The following ARHGAP19 variants were observed in gnomAD, a reference collection of about 807,000 sequenced individuals.
ARHGAP19 encodes Rho GTPase activating protein 19.
A neutral mutation model predicts 60.9 loss-of-function variants in ARHGAP19; 48 were observed. The observed-to-expected ratio is 0.79, with a 90% CI of 0.62 to 1.00. The LOEUF (loss-of-function observed/expected upper bound fraction) is 1.00. ARHGAP19 is among the 50% of genes least tolerant of loss of function. ARHGAP19 has a pLI of 0.00. For synonymous variants in ARHGAP19, 209 were observed against 215.5 expected (o/e 0.97, Z 0.27); for missense variants, 562 against 597.2 (o/e 0.94, Z 0.61).
Position 97,225,860 on chromosome 10 carries a change from T to C in ARHGAP19, c.*262A>G, listed in dbSNP as rs1850885094. 2.0e-6 allele frequency: 1 copy of C among 506,058 alleles called. No individual in the cohort carries two copies. Among genetic ancestry groups the C allele is most frequent in the Middle Eastern group, 5.3e-4 (1 of 1,898 alleles). 31.3% of individuals were successfully genotyped at this position (506,058 alleles called of 1,614,324 possible). A position where few individuals can be genotyped will look rare whatever the true frequency, so the allele number is the denominator to read the frequency against. On this transcript the variant is annotated 3_prime_UTR_variant, in exon 12 of 12. Coordinates refer to ENST00000358531, the MANE Select transcript of ARHGAP19 (RefSeq NM_032900.6). Reference sequence around the variant, plus strand: ...CTGAAGCCCACCTTAGTGTGCTGTATAAGCTGGTTGGATAGTTAGTGGTTT... The same window carrying C: ...CTGAAGCCCACCTTAGTGTGCTGTACAAGCTGGTTGGATAGTTAGTGGTTT...
At chr10:97,237,828 G>A (rs1047113682) in intron 8 of ARHGAP19, among the ~76,000 whole-genome samples, 5 of 151,606 alleles carry the variant, frequency 3.3e-5, no homozygotes, top group African/African-American at 7.3e-5. Context: ...CCAAGTCTGC[G>A]TCATTGCACT....
At chr10:97,283,303 G>A (rs547633763) in intron 1 of ARHGAP19, among the ~76,000 whole-genome samples, 13 of 152,054 alleles carry the variant, frequency 8.5e-5, no homozygotes, top group African/African-American at 3.1e-4. Context: ...AAGGTGACCA[G>A]AGGGCATCTT....
chr10:97,231,637 T>C (rs778202820), intron 9 of ARHGAP19, among the ~76,000 whole-genome samples: 2 of 152,224 alleles, frequency 1.3e-5, no homozygotes, highest in Non-Finnish European at 2.9e-5. Flanking sequence ...TATGTCAGAA[T>C]TTCTTTCCTT....
chr10:97,240,087 T>C (rs1182633273), intron 8 of ARHGAP19, among the ~76,000 whole-genome samples: 1 of 151,832 alleles, frequency 6.6e-6, no homozygotes, highest in Non-Finnish European at 1.5e-5. Context: ...CAGTTTTTAT[T>C]TTAAAGTTTA....
chr10:97,254,319 T>C (rs923039643), intron 6 of ARHGAP19, among the ~76,000 whole-genome samples: 27 of 152,158 alleles, frequency 1.8e-4, no homozygotes, highest in African/African-American at 6.0e-4. Flanking sequence ...CACACCACCA[T>C]GGTACTGGTA....
chr10:97,287,714 G>A (rs1274382098), intron 1 of ARHGAP19, among the ~76,000 whole-genome samples: 5 of 152,164 alleles, frequency 3.3e-5, no homozygotes, highest in Non-Finnish European at 5.9e-5. Context: ...CTACACTCCA[G>A]CCTGGACCAC....
In ARHGAP19 at chr10:97,225,603, G is replaced by A. The variant is rs563855889; in HGVS notation, c.*519C>T. The A allele has an allele frequency of 6.6e-6, 1 of 152,384 alleles. No homozygotes were observed. Among genetic ancestry groups the A allele is most frequent in the South Asian group, 2.1e-4 (1 of 4,828 alleles). The allele number at this position is 152,384 out of a possible 1,614,324, so 9.4% of individuals were successfully genotyped here. On this transcript the variant is annotated 3_prime_UTR_variant, in exon 12 of 12. Transcript: ENST00000358531. ...CCCAAAGCTCAAAGTGAAAAAGAGG[G>A]AAAGATATCTAGCTTAGAGCCCAAC...
intron 4 of ARHGAP19, among the ~76,000 whole-genome samples, chr10:97,260,341 T>G (rs1343191149): frequency 6.6e-6 from 1 of 150,722 alleles, no homozygotes; most frequent in African/African-American, 2.4e-5. Context: ...CCATCCCAGC[T>G]AACACAGTGA....
intron 8 of ARHGAP19, among the ~76,000 whole-genome samples, 169 bp downstream of exon 8, chr10:97,243,799 C>T (rs793527): frequency 0.94 from 142,828 of 152,186 alleles, 67,672 homozygotes; most frequent in East Asian, 1. Context: ...ACTCCACTCC[C>T]TTCTGTAGTG....
At chr10:97,263,809 C>T (rs1842862863) in intron 3 of ARHGAP19, among the ~76,000 whole-genome samples, 180 bp from the exon 4 acceptor site, 1 of 152,198 alleles carries the variant, frequency 6.6e-6, no homozygotes, top group Non-Finnish European at 1.5e-5. Flanking sequence ...GGAGACATAT[C>T]TGAATGTCCC....
At chr10:97,241,042 T>C (rs1238867103) in intron 8 of ARHGAP19, among the ~76,000 whole-genome samples, 1 of 152,178 alleles carries the variant, frequency 6.6e-6, no homozygotes. Context: ...TACAGCAGGC[T>C]GGGTGCGGTG....
intron 9 of ARHGAP19, among the ~76,000 whole-genome samples, chr10:97,232,664 G>A (rs763422755): frequency 2.6e-5 from 4 of 152,072 alleles, no homozygotes; most frequent in Admixed American, 1.3e-4. Flanking sequence ...GGCCCCAGGA[G>A]GTCAGGATTG....
intron 1 of ARHGAP19, among the ~76,000 whole-genome samples, chr10:97,269,015 T>A (rs1842931785): frequency 1.3e-5 from 2 of 152,170 alleles, no homozygotes; most frequent in Non-Finnish European, 2.9e-5. Context: ...GGACAAGTTA[T>A]CATATCTCAG....
intron 4 of ARHGAP19, among the ~76,000 whole-genome samples, chr10:97,260,478 C>T (rs1334559375): frequency 2.6e-5 from 4 of 151,626 alleles, no homozygotes; most frequent in South Asian, 2.1e-4. Context: ...TGCAGTGAGC[C>T]GAGATCATGC....
intron 8 of ARHGAP19, among the ~76,000 whole-genome samples, chr10:97,242,355 C>T (rs1194845800): frequency 3.1e-5 from 2 of 63,782 alleles, no homozygotes; most frequent in African/African-American, 6.9e-5. Context: ...TTTTTTGAGA[C>T]GGGGTTTCGC....
intron 6 of ARHGAP19, among the ~76,000 whole-genome samples, chr10:97,249,471 C>G (rs556501975): frequency 5.9e-5 from 9 of 152,102 alleles, no homozygotes; most frequent in Non-Finnish European, 1.0e-4. Context: ...GACTGTAGAC[C>G]TGGCTTCTAC....
At position 97,229,956 on chromosome 10, in the gene ARHGAP19, T is replaced by C. The variant is rs1035881660; in HGVS notation, c.1285-82A>G. ...GCTATACTAGCCTTCAAAACTGTAA[T>C]GTCCTTGGGTTAAAAAAATCTCAGC... On this transcript the variant is annotated intron_variant, in intron 9 of 11. Coordinates refer to ENST00000358531, the MANE Select transcript of ARHGAP19 (RefSeq NM_032900.6). The C allele has an allele frequency of 1.2e-5, 12 of 994,430 alleles. No individual in the cohort carries two copies. The East Asian group carries it at 2.4e-4, about 20-fold the overall frequency. The allele number at this position is 994,430 out of a possible 1,614,324, so 61.6% of individuals were successfully genotyped here. A position where few individuals can be genotyped will look rare whatever the true frequency, so the allele number is the denominator to read the frequency against.
intron 4 of ARHGAP19, among the ~76,000 whole-genome samples, chr10:97,260,588 C>A (rs1345257735): frequency 6.6e-6 from 1 of 151,954 alleles, no homozygotes; most frequent in East Asian, 1.9e-4. Context: ...CAATGACATA[C>A]CACTTCATAT....
At chr10:97,240,890 C>A (rs531797256) in intron 8 of ARHGAP19, among the ~76,000 whole-genome samples, 2 of 152,238 alleles carry the variant, frequency 1.3e-5, no homozygotes, top group Middle Eastern at 6.8e-3. Flanking sequence ...TCAGTGGTTA[C>A]CTCTGGATGT....
Sources: gnomAD v4.1 joint callset for allele counts (sites outside exome capture counted in the v4.1 genomes callset) on GRCh38, gnomAD v4.1.1 for gene constraint, MANE v1.5 for transcripts, NCBI Gene and HGNC (gene_info 2026-07-23, HGNC 2026-07-21) for gene names.